The following ELMO1 variants were observed in gnomAD, a reference collection of about 807,000 sequenced individuals.
The protein encoded by ELMO1 is engulfment and cell motility 1, also known as engulfment and cell motility protein 1.
In ELMO1, 26 loss-of-function variants were observed where a neutral mutation model predicts 98.9. That is an observed-to-expected ratio of 0.26 (90% CI 0.19 to 0.36). The LOEUF is 0.36. Ranked by LOEUF, ELMO1 falls within the 10% of genes least tolerant of loss-of-function variation. The pLI is 1.00. For missense variants in ELMO1, 627 were observed against 935.2 expected (o/e 0.67, Z 4.30); for synonymous variants, 346 against 346.0 (o/e 1.00, Z 0.00).
intron 16 of ELMO1, chr7:36,986,209 G>A: frequency 1.0e-6 from 1 of 985,556 alleles, no homozygotes; most frequent in Non-Finnish European, 1.2e-6. Flanking sequence ...AGGAGTCGGG[G>A]AAAGATCAGC....
At chr7:37,060,402 C>T (rs1796605257) in intron 15 of ELMO1, among the ~76,000 whole-genome samples, 2 of 152,142 alleles carry the variant, frequency 1.3e-5, no homozygotes, top group African/African-American at 4.8e-5. Flanking sequence ...TGAATTAACC[C>T]AGGAAGACAA....
intron 4 of ELMO1, among the ~76,000 whole-genome samples, chr7:37,281,626 A>G (rs1163804970): frequency 5.9e-5 from 9 of 152,168 alleles, no homozygotes; most frequent in African/African-American, 2.2e-4. Flanking sequence ...ATAGCTCGTG[A>G]ATCAGGGGCC....
intron 8 of ELMO1, among the ~76,000 whole-genome samples, chr7:37,230,437 G>A (rs1009467289): frequency 3.3e-5 from 5 of 151,968 alleles, no homozygotes; most frequent in African/African-American, 7.3e-5. Context: ...GAAAGCACAG[G>A]TGCATGATGA....
chr7:36,951,756 G>A (rs10233832), intron 16 of ELMO1, among the ~76,000 whole-genome samples: 68,460 of 152,016 alleles, frequency 0.45, 16,642 homozygotes, highest in African/African-American at 0.63. Flanking sequence ...CACTTCTTAC[G>A]CTTGAGACCA....
At chr7:37,193,324 A>G (rs1221326616) in intron 13 of ELMO1, among the ~76,000 whole-genome samples, 1 of 152,094 alleles carries the variant, frequency 6.6e-6, no homozygotes, top group East Asian at 1.9e-4. Flanking sequence ...GTATCCAACC[A>G]AGGCCCCCTG....
In ELMO1 at chr7:37,448,306, C is replaced by A. The variant is rs180815094; in HGVS notation, c.-74+369G>T. ...GCCAGCGTCGCAACCCTCCCGCGCCCCCCCTCCCGCAGACCCTGGTCGAAA... is the reference window on the plus strand; with the variant it reads ...GCCAGCGTCGCAACCCTCCCGCGCCACCCCTCCCGCAGACCCTGGTCGAAA... On this transcript the variant is annotated intron_variant, in intron 1 of 21. Coordinates refer to ENST00000310758, the MANE Select transcript of ELMO1 (RefSeq NM_014800.11). 8.6e-3 allele frequency among the ~76,000 whole-genome samples: 1,299 copies of A among 151,876 alleles called. 23 individuals are homozygous for A. The highest frequency in any genetic ancestry group is 0.03 in the African/African-American group (1,228 of 41,378).
chr7:37,093,762 T>C (rs1311474782), intron 15 of ELMO1, among the ~76,000 whole-genome samples: 1 of 152,242 alleles, frequency 6.6e-6, no homozygotes, highest in African/African-American at 2.4e-5. Context: ...TAATATTTTA[T>C]GAGCAGAAAA....
intron 11 of ELMO1, 25 bp from the exon 12 acceptor site, chr7:37,213,482 AT>A (rs780569174): frequency 1.3e-6 from 2 of 1,590,228 alleles, no homozygotes; most frequent in East Asian, 2.3e-5. Flanking sequence ...CACAAATGAA[AT>A]TTTTTAAAAA....
rs766702652 is a variant in ELMO1, at chr7:37,211,368, T to C, written c.1086+18A>G. 2.5e-6 allele frequency: 4 copies of C among 1,613,788 alleles called. No homozygotes were observed. The highest frequency in any genetic ancestry group is 1.7e-4 in the Middle Eastern group (1 of 6,056). ...GGGAGGCTGGAGGGAGAGCGCATAC[T>C]GGAGATAGCTTACTTACAATGAACC... On this transcript the variant is annotated intron_variant, in intron 13 of 21. Coordinates refer to ENST00000310758, the MANE Select transcript of ELMO1 (RefSeq NM_014800.11).
rs559885478 is a variant in ELMO1 at position 37,316,170 on chromosome 7, TC to T, written c.79-211del. ...TATTAATGATTTATTACCCCTGTGG[TC>T]CTTTTTTCTATACTTAGCATATTAG... On this transcript the variant is annotated intron_variant, in intron 2 of 21. Transcript: ENST00000310758. Among the ~76,000 whole-genome samples the T allele has an allele frequency of 1.5e-3, 223 of 152,342 alleles. 1 individual carries two copies. Among genetic ancestry groups the T allele is most frequent in the Non-Finnish European group, 1.9e-3 (129 of 68,042 alleles).
At chr7:37,178,795 G>A (rs1790659702) in intron 13 of ELMO1, among the ~76,000 whole-genome samples, 1 of 152,084 alleles carries the variant, frequency 6.6e-6, no homozygotes, top group African/African-American at 2.4e-5. Flanking sequence ...AGAAATATGA[G>A]ACAAACCCAA....
chr7:37,283,517 G>C (rs1328819568), intron 4 of ELMO1, among the ~76,000 whole-genome samples: 2 of 152,228 alleles, frequency 1.3e-5, no homozygotes, highest in African/African-American at 4.8e-5. Flanking sequence ...CTGTTAAACA[G>C]TAATGGAATG....
intron 14 of ELMO1, among the ~76,000 whole-genome samples, chr7:37,105,108 C>A (rs891229105): frequency 6.6e-6 from 1 of 152,210 alleles, no homozygotes; most frequent in African/African-American, 2.4e-5. Context: ...AAGAAATGCT[C>A]CCTGCACTTT....
chr7:36,936,297 C>T (rs1342931175), intron 16 of ELMO1, among the ~76,000 whole-genome samples: 1 of 152,132 alleles, frequency 6.6e-6, no homozygotes, highest in Non-Finnish European at 1.5e-5. Context: ...ACTACTGCCA[C>T]CCCCTTACTA....
intron 2 of ELMO1, among the ~76,000 whole-genome samples, chr7:37,323,275 G>T (rs937875298): frequency 2.6e-5 from 4 of 152,178 alleles, no homozygotes; most frequent in Non-Finnish European, 2.9e-5. Flanking sequence ...TATTAAGGAT[G>T]TATTCCTCTT....
chr7:36,855,839 C>T lies in ELMO1; in HGVS notation c.1984-88G>A, dbSNP rs1802158557. ...AAATAGCTAACAGTGAATACTCATC[C>T]CTCAGTAGGCTGTGCGCTAAGGGCT... On this transcript the variant is annotated intron_variant, in intron 21 of 21. Coordinates refer to ENST00000310758, the MANE Select transcript of ELMO1 (RefSeq NM_014800.11). The surrounding 1 kb of genome is among the most constrained non-coding windows in gnomAD (Gnocchi z 4.2). 8.9e-6 allele frequency: 13 copies of T among 1,468,814 alleles called. No homozygotes were observed. In the South Asian group the frequency reaches 1.5e-4, roughly 17 times the overall value. The allele number at this position is 1,468,814 out of a possible 1,614,324, so 91.0% of individuals were successfully genotyped here.
At chr7:37,317,651 G>A (rs1799259705) in intron 2 of ELMO1, among the ~76,000 whole-genome samples, 2 of 152,178 alleles carry the variant, frequency 1.3e-5, no homozygotes, top group African/African-American at 4.8e-5. Context: ...ATAGAGAGTA[G>A]AAGAATGGTT....
At chr7:37,238,010 A>C (rs1384729915) in intron 7 of ELMO1, among the ~76,000 whole-genome samples, 1 of 152,234 alleles carries the variant, frequency 6.6e-6, no homozygotes, top group Non-Finnish European at 1.5e-5. Flanking sequence ...CATTTTGGCT[A>C]TTCTAGGTCC....
At chr7:37,207,875 CAGA>C (rs1487190002) in intron 13 of ELMO1, among the ~76,000 whole-genome samples, 4 of 152,140 alleles carry the variant, frequency 2.6e-5, no homozygotes, top group Non-Finnish European at 4.4e-5. Context: ...AACGAGATCT[CAGA>C]AGATGAAGCA....
Sources: gnomAD v4.1 joint callset for allele counts (sites outside exome capture counted in the v4.1 genomes callset) on GRCh38, gnomAD v4.1.1 for gene constraint, Gnocchi (gnomAD v3.1) non-coding constraint, MANE v1.5 for transcripts, NCBI Gene and HGNC (gene_info 2026-07-23, HGNC 2026-07-21) for gene names.